ADAMTS18: variants seen among roughly 807,000 people sequenced by gnomAD.
The protein encoded by ADAMTS18 is A disintegrin and metalloproteinase with thrombospondin motifs 18.
Under a neutral mutation model 165.9 loss-of-function variants are expected in ADAMTS18, and 157 were observed. That is an observed-to-expected ratio of 0.95 (90% confidence interval 0.83 to 1.08). The LOEUF is 1.08. Among genes scored for constraint, ADAMTS18 ranks in the 50% least tolerant of loss-of-function variants. The pLI, the probability that ADAMTS18 is intolerant of heterozygous loss-of-function variation, is 0.00. For synonymous variants in ADAMTS18, 782 were observed against 578.2 expected, an observed-to-expected ratio of 1.35 and a Z score of -5.06; for missense variants, 2,040 against 1,534.0, an observed-to-expected ratio of 1.33 and a Z score of -5.51.
intron 19 of ADAMTS18, among the ~76,000 whole-genome samples, chr16:77,294,481 T>G (rs2055427601): frequency 6.6e-6 from 1 of 152,240 alleles, no homozygotes; most frequent in Non-Finnish European, 1.5e-5. Flanking sequence ...TGGCTTTCAC[T>G]GGGAATTTGT....
At position 77,319,888 on chromosome 16, in the gene ADAMTS18, C is replaced by T. The variant is rs1249659291; in HGVS notation, c.2493G>A (p.Leu831=). The part of the protein sequence containing the change: ...YQRSFNRPER[L]YAPGPTNETL... ...TCTCATTTGTGGGCCCTGGCGCGTA[C>T]AGACGTTCCGGGCGGTTGAAAGAGC... Residue 831 remains leucine (L), a synonymous_variant, in exon 16 of 23, where the codon CTG becomes CTA. Coordinates refer to ENST00000282849, the MANE Select transcript of ADAMTS18 (RefSeq NM_199355.4). 6.2e-7 allele frequency: 1 copy of T among 1,614,206 alleles called. No individual in the cohort carries two copies. Among genetic ancestry groups the T allele is most frequent in the Admixed American group, 1.7e-5 (1 of 60,026 alleles).
At chr16:77,286,198 A>G (rs2144548927) in intron 22 of ADAMTS18, among the ~76,000 whole-genome samples, 1 of 152,276 alleles carries the variant, frequency 6.6e-6, no homozygotes, top group Admixed American at 6.5e-5. Flanking sequence ...ACACTCTCCT[A>G]GAGCCATATG....
At chr16:77,381,062 C>T (rs774188775) in intron 3 of ADAMTS18, among the ~76,000 whole-genome samples, 4 of 151,870 alleles carry the variant, frequency 2.6e-5, no homozygotes, top group Admixed American at 6.6e-5. Flanking sequence ...TTAGTAGAGA[C>T]GGGGTTTCAC....
chr16:77,300,281 A>C lies in ADAMTS18; in HGVS notation c.2656T>G (p.Ser886Ala), dbSNP rs375932781. Residue 886 changes from serine to alanine, a missense_variant, in exon 17 of 23, where the codon TCC (serine) becomes GCC (alanine). Ser to Ala is a moderately conservative substitution (Grantham distance 99, BLOSUM62 1). Coordinates refer to ENST00000282849, the MANE Select transcript of ADAMTS18 (RefSeq NM_199355.4). ...CATCTACCTCCACCACAGGAGACGG[A>C]GCACTCTGACTGCACGATACTCCAG... Reference protein sequence around the residue: ...YTWSIVQSECSVSCGGGYINV... With the variant: ...YTWSIVQSECAVSCGGGYINV... 21 of 1,614,016 alleles carry C rather than the reference A, an allele frequency of 1.3e-5. No individual in the cohort carries two copies. The African/African-American group carries it at 2.7e-4, about 21-fold the overall frequency.
Position 77,289,410 on chromosome 16 carries a change from C to A in ADAMTS18, c.3404G>T (p.Cys1135Phe). 1 of 1,613,946 alleles carries A rather than the reference C, an allele frequency of 6.2e-7. No individual in the cohort carries two copies. The highest frequency in any genetic ancestry group is 8.5e-7 in the Non-Finnish European group (1 of 1,179,938). ...AGWYSLPWQQ[C>F]TVTCGGGVQT... The stretch of plus-strand genomic sequence containing the variant: ...GACCCCTCCCCCACAGGTGACTGTG[C>A]ACTGCAGCAGAGAGAAGAGGAAGGA... The change falls in exon 22 of 23, where the codon TGC becomes TTC. Residue 1135 changes from cysteine to phenylalanine, a missense_variant and splice_region_variant. Coordinates refer to ENST00000282849, the MANE Select transcript of ADAMTS18 (RefSeq NM_199355.4).
At chr16:77,383,384 C>A (rs1015246224) in intron 3 of ADAMTS18, among the ~76,000 whole-genome samples, 2 of 152,078 alleles carry the variant, frequency 1.3e-5, no homozygotes, top group Non-Finnish European at 2.9e-5. Flanking sequence ...CTTATTTTTT[C>A]TTTTAACTGA....
chr16:77,407,973 A>T (rs1007800830), intron 3 of ADAMTS18, among the ~76,000 whole-genome samples: 1 of 152,152 alleles, frequency 6.6e-6, no homozygotes, highest in African/African-American at 2.4e-5. Flanking sequence ...AAGGATAAAA[A>T]GGCATACCAG....
chr16:77,338,410 T>A (rs969973107), intron 11 of ADAMTS18, among the ~76,000 whole-genome samples: 1 of 151,882 alleles, frequency 6.6e-6, no homozygotes, highest in African/African-American at 2.4e-5. Context: ...TAATTTTTTG[T>A]ATTTTTAGTA....
intron 22 of ADAMTS18, among the ~76,000 whole-genome samples, chr16:77,286,801 C>G (rs1461559168): frequency 2.0e-5 from 3 of 152,154 alleles, no homozygotes; most frequent in Non-Finnish European, 4.4e-5. Flanking sequence ...CACCCAGTTT[C>G]AATGCAGTGT....
chr16:77,425,879 C>T (rs996688096), intron 3 of ADAMTS18, among the ~76,000 whole-genome samples: 1 of 152,010 alleles, frequency 6.6e-6, no homozygotes, highest in Admixed American at 6.5e-5. Flanking sequence ...CCCATCTCTA[C>T]TAAAAATAAC....
Position 77,282,818 on chromosome 16 carries a change from G to T in ADAMTS18, c.*1138C>A, listed in dbSNP as rs145130921. On this transcript the variant is annotated 3_prime_UTR_variant, in exon 23 of 23. Coordinates refer to ENST00000282849, the MANE Select transcript of ADAMTS18 (RefSeq NM_199355.4). ...CTGAAAATACTCTTATTCAGTGAGG[G>T]TCTTGTCATATTATGATTTATTAAT... 1 of 151,846 alleles carries T rather than the reference G, an allele frequency of 6.6e-6. No individual in the cohort carries two copies. Among genetic ancestry groups the T allele is most frequent in the Admixed American group, 6.6e-5 (1 of 15,196 alleles). 9.4% of individuals were successfully genotyped at this position (151,846 alleles called of 1,614,324 possible). A position where few individuals can be genotyped will look rare whatever the true frequency, so the allele number is the denominator to read the frequency against.
chr16:77,398,319 AAAC>A (rs143795076), intron 3 of ADAMTS18, among the ~76,000 whole-genome samples: 153 of 151,064 alleles, frequency 1.0e-3, no homozygotes, highest in Middle Eastern at 3.4e-3. Flanking sequence ...TCTGTCTCAA[AAAC>A]AACAACAACA....
At chr16:77,291,096 T>G (rs1251150738) in intron 21 of ADAMTS18, among the ~76,000 whole-genome samples, 170 bp downstream of exon 21, 1 of 150,856 alleles carries the variant, frequency 6.6e-6, no homozygotes, top group Non-Finnish European at 1.5e-5. Context: ...GGTTTACAGA[T>G]TGTTACCTGC....
Position 77,322,438 on chromosome 16 carries a change from C to G in ADAMTS18, c.2061G>C (p.Lys687Asn). 6.2e-7 allele frequency: 1 copy of G among 1,614,068 alleles called. No individual in the cohort carries two copies. Among genetic ancestry groups the G allele is most frequent in the Non-Finnish European group, 8.5e-7 (1 of 1,179,980 alleles). Residue 687 changes from lysine to asparagine, a missense_variant, in exon 14 of 23, where the codon AAG (lysine) becomes AAC (asparagine). Lys to Asn is a moderately conservative substitution (Grantham distance 94, BLOSUM62 0). Transcript: ENST00000282849. ...CAAAAAAAAATTCAAAGTTCTCAGC[C>G]TTGCAGTACAGTTTGCATCGATCTT... is the stretch of plus-strand genomic sequence containing the variant. ...EEEDRCKLYC[K>N]AENFEFFFAM... is the part of the protein sequence containing the mutation.
chr16:77,384,291 C>T (rs1308239162), intron 3 of ADAMTS18, among the ~76,000 whole-genome samples: 2 of 152,172 alleles, frequency 1.3e-5, no homozygotes, highest in South Asian at 2.1e-4. Context: ...CCCATTTCAC[C>T]ATTCTGATTT....
In ADAMTS18 at chr16:77,320,062, G is replaced by A. The variant is rs150218700; in HGVS notation, c.2319C>T (p.Gly773=). 2.5e-5 allele frequency: 41 copies of A among 1,613,808 alleles called. No homozygotes were observed. The African/African-American group carries it at 4.3e-4, about 17-fold the overall frequency. The change falls in exon 16 of 23, where the codon GGC becomes GGT. Residue 773 remains glycine, a synonymous_variant. Transcript: ENST00000282849. ...EYYPVVLIPA[G]ARSIEIQELQ... is the part of the protein sequence containing the mutation. ...GCTCCTGGATTTCGATGCTTCGGGC[G>A]CCAGCTGGAATGAGGACCACCGGAT...
chr16:77,366,570 C>CAAAAA (rs2056797868), intron 4 of ADAMTS18, among the ~76,000 whole-genome samples: 1 of 152,004 alleles, frequency 6.6e-6, no homozygotes, highest in Non-Finnish European at 1.5e-5. Context: ...CAAAACAAAA[C>CAAAAA]AAAAACAAAA....
In ADAMTS18 at chr16:77,322,406, G is replaced by A. The variant is rs777619667; in HGVS notation, c.2093C>T (p.Ser698Phe). The A allele has an allele frequency of 1.9e-6, 3 of 1,613,734 alleles. No individual in the cohort carries two copies. Among genetic ancestry groups the A allele is most frequent in the Middle Eastern group, 1.6e-4 (1 of 6,062 alleles). Residue 698 changes from serine to phenylalanine, a missense_variant, in exon 14 of 23, where the codon TCC (serine) becomes TTC (phenylalanine). Coordinates refer to ENST00000282849, the MANE Select transcript of ADAMTS18 (RefSeq NM_199355.4). ...AENFEFFFAM[S>F]GKVKDGTPCS... The stretch of plus-strand genomic sequence containing the variant: ...GGGAGTTCCATCTTTCACTTTGCCG[G>A]ACATTGCAAAAAAAAATTCAAAGTT...
At chr16:77,434,212 T>C (rs747548922) in intron 2 of ADAMTS18, among the ~76,000 whole-genome samples, 2 of 152,254 alleles carry the variant, frequency 1.3e-5, no homozygotes, top group Admixed American at 6.5e-5. Flanking sequence ...TATTTGCTTT[T>C]ATGTGACTTG....
Sources: gnomAD v4.1 joint callset for allele counts (sites outside exome capture counted in the v4.1 genomes callset) on GRCh38, gnomAD v4.1.1 for gene constraint, MANE v1.5 for transcripts, NCBI Gene and HGNC (gene_info 2026-07-23, HGNC 2026-07-21) for gene names.